The following RGS8 variants were observed in gnomAD, a reference collection of about 807,000 sequenced individuals.
RGS8 encodes regulator of G-protein signaling 8.
RGS8 carries 8 observed loss-of-function variants against 21.7 expected under a neutral mutation model. The observed-to-expected ratio is 0.37, with a 90% confidence interval of 0.22 to 0.66. RGS8 has a LOEUF of 0.66. RGS8 is among the 30% of genes least tolerant of loss of function. The pLI, the probability that RGS8 is intolerant of heterozygous loss-of-function variation, is 0.59. For synonymous variants in RGS8, 80 were observed against 83.6 expected (o/e 0.96, Z 0.24); for missense variants, 157 against 217.9 (o/e 0.72, Z 1.76).
the RGS8 span, chr1:182,733,882 AT>A: frequency 3.9e-5 from 5 of 128,926 alleles, no homozygotes; most frequent in East Asian, 5.9e-4. Flanking sequence ...CAAGTTATTT[AT>A]TTATTTATTT....
rs762162790 is a variant in RGS8, at chr1:182,665,956, G to A, written c.193+13C>T. 6.2e-7 allele frequency: 1 copy of A among 1,608,700 alleles called. No individual in the cohort carries two copies. The highest frequency in any genetic ancestry group is 1.7e-5 in the Admixed American group (1 of 59,996). On this transcript the variant is annotated intron_variant, in intron 5 of 6. Coordinates refer to ENST00000483095, the Ensembl canonical transcript of RGS8. ...GATTTGCCATGTCATGATACGACCT[G>A]AATTCTACTTACACTTATGAGAGAG... is the stretch of plus-strand genomic sequence containing the variant.
intron 1 of RGS8, among the ~76,000 whole-genome samples, chr1:182,678,158 ATATT>A (rs1664430855): frequency 6.6e-6 from 1 of 152,164 alleles, no homozygotes; most frequent in South Asian, 2.1e-4. Flanking sequence ...ATACTCTGAA[ATATT>A]TATAGTTGAA....
intron 5 of RGS8, chr1:182,658,254 T>A (rs1350967692): frequency 2.0e-5 from 3 of 152,114 alleles, no homozygotes; most frequent in African/African-American, 7.2e-5. Context: ...GGAAACTGGG[T>A]CACTATGAAT....
At chr1:182,661,808 T>TCA (rs71127312) in intron 5 of RGS8, among the ~76,000 whole-genome samples, 15,597 of 132,266 alleles carry the variant, frequency 0.12, 831 homozygotes, top group East Asian at 0.16. Context: ...GTACACACAT[T>TCA]CACACACACA....
At chr1:182,742,621 C>T in the RGS8 span, among the ~76,000 whole-genome samples, 19 of 152,204 alleles carry the variant, frequency 1.2e-4, no homozygotes, top group African/African-American at 4.3e-4. Flanking sequence ...CGCCTGCAAT[C>T]GCAGGCACTC....
At chr1:182,648,147 G>T in exon 6 of RGS8, 1 of 1,608,854 alleles carries the variant, frequency 6.2e-7, no homozygotes, top group Non-Finnish European at 8.5e-7. Context: ...CTCCCGTGGA[G>T]CCTGCACATC....
At chr1:182,741,942 A>C in the RGS8 span, among the ~76,000 whole-genome samples, 2 of 142,476 alleles carry the variant, frequency 1.4e-5, no homozygotes, top group Non-Finnish European at 3.1e-5. Context: ...CTCACTTCCC[A>C]GACGGGGTGG....
chr1:182,681,122 A>C (rs1385209724), intron 1 of RGS8, among the ~76,000 whole-genome samples: 1 of 152,244 alleles, frequency 6.6e-6, no homozygotes, highest in East Asian at 1.9e-4. Context: ...AGAACATCAG[A>C]GTCCGAGAAG....
intron 1 of RGS8, among the ~76,000 whole-genome samples, chr1:182,682,593 A>T (rs1392120936): frequency 6.6e-6 from 1 of 152,132 alleles, no homozygotes; most frequent in African/African-American, 2.4e-5. Flanking sequence ...GATCCTCACA[A>T]GCTCCTTTGA....
chr1:182,712,199 A>G, the RGS8 span, among the ~76,000 whole-genome samples: 7 of 152,264 alleles, frequency 4.6e-5, no homozygotes, highest in Non-Finnish European at 8.8e-5. Flanking sequence ...TGGACTTATC[A>G]TCATGTGCCA....
chr1:182,734,354 T>C, the RGS8 span: 2 of 152,232 alleles, frequency 1.3e-5, no homozygotes, highest in East Asian at 3.8e-4. Flanking sequence ...ATAAGAATTA[T>C]GATTTTGAAT....
chr1:182,703,720 T>C, the RGS8 span, among the ~76,000 whole-genome samples: 1 of 152,208 alleles, frequency 6.6e-6, no homozygotes, highest in African/African-American at 2.4e-5. Context: ...CTACATTTGT[T>C]TACACAAGTG....
At chr1:182,732,323 T>A in the RGS8 span, among the ~76,000 whole-genome samples, 1 of 149,996 alleles carries the variant, frequency 6.7e-6, no homozygotes, top group Non-Finnish European at 1.5e-5. Context: ...AGTACTAGGT[T>A]GCGCTTAATG....
the RGS8 span, among the ~76,000 whole-genome samples, chr1:182,733,314 G>T: frequency 6.6e-6 from 1 of 152,198 alleles, no homozygotes; most frequent in Non-Finnish European, 1.5e-5. Context: ...AATATCCCAG[G>T]AAGTTAATTA....
the RGS8 span, among the ~76,000 whole-genome samples, chr1:182,741,688 C>T: frequency 8.4e-6 from 1 of 118,484 alleles, no homozygotes; most frequent in Admixed American, 7.8e-5. Context: ...CCTCACTTCC[C>T]AGTAGGGGCG....
chr1:182,694,605 G>A, the RGS8 span, among the ~76,000 whole-genome samples: 237 of 152,262 alleles, frequency 1.6e-3, 1 homozygote, highest in African/African-American at 5.1e-3. Flanking sequence ...TCAGGAGCTC[G>A]TGACCAGCCT....
exon 7 of RGS8, chr1:182,646,309 C>T (rs4652739): frequency 0.072 from 11,758 of 163,278 alleles, 827 homozygotes; most frequent in African/African-American, 0.17. Context: ...GAGTTGAGCC[C>T]AAGTCTTTCA....
downstream of RGS8, chr1:182,644,660 A>G (rs1040139643): frequency 2.6e-5 from 4 of 152,372 alleles, no homozygotes; most frequent in African/African-American, 9.6e-5. Flanking sequence ...TCACATTTCT[A>G]TAACTCTGTG....
At chr1:182,740,738 T>A in the RGS8 span, among the ~76,000 whole-genome samples, 1 of 150,494 alleles carries the variant, frequency 6.6e-6, no homozygotes, top group Non-Finnish European at 1.5e-5. Flanking sequence ...TACTTGAGAT[T>A]AGGGAGTGGT....
Sources: gnomAD v4.1 joint callset for allele counts (sites outside exome capture counted in the v4.1 genomes callset) on GRCh38, gnomAD v4.1.1 for gene constraint, MANE v1.5 for transcripts, NCBI Gene and HGNC (gene_info 2026-07-23, HGNC 2026-07-21) for gene names.